The following RPH3AL variants were observed in gnomAD, a reference collection of about 807,000 sequenced individuals.
The protein encoded by RPH3AL is rabphilin 3A like (without C2 domains).
RPH3AL carries 38 observed loss-of-function variants against 43.1 expected under a neutral mutation model. The observed-to-expected ratio is 0.88, with a 90% CI of 0.68 to 1.15. RPH3AL has a LOEUF of 1.15. Ranked by LOEUF, RPH3AL falls within the 50% of genes most tolerant of loss-of-function variation. RPH3AL has a pLI of 0.00. For synonymous variants in RPH3AL, 189 were observed against 176.3 expected (o/e 1.07, Z -0.57); for missense variants, 462 against 423.2 (o/e 1.09, Z -0.81).
At chr17:306,204 C>G (rs749442989) in intron 5 of RPH3AL, among the ~76,000 whole-genome samples, 4 of 151,912 alleles carry the variant, frequency 2.6e-5, no homozygotes, top group Non-Finnish European at 4.4e-5. Context: ...CCAGCCTGGA[C>G]TACCTGGAAC....
intron 6 of RPH3AL, among the ~76,000 whole-genome samples, chr17:272,274 T>C (rs1010107620): frequency 7.2e-5 from 11 of 152,274 alleles, no homozygotes; most frequent in African/African-American, 2.6e-4. Flanking sequence ...CAAAGGACTA[T>C]AAATCATGCT....
intron 1 of RPH3AL, among the ~76,000 whole-genome samples, chr17:343,378 T>G (rs2045166824): frequency 6.6e-6 from 1 of 152,224 alleles, no homozygotes; most frequent in African/African-American, 2.4e-5. Context: ...CAAGGGATGC[T>G]GGGACTGACA....
At chr17:237,731 C>T (rs1177302860) in intron 7 of RPH3AL, among the ~76,000 whole-genome samples, 2 of 152,222 alleles carry the variant, frequency 1.3e-5, no homozygotes, top group Non-Finnish European at 2.9e-5. Context: ...GATCCCAGGC[C>T]GAGGTCCACA....
At chr17:230,505 G>A (rs939575428) in intron 7 of RPH3AL, among the ~76,000 whole-genome samples, 2 of 152,174 alleles carry the variant, frequency 1.3e-5, no homozygotes, top group African/African-American at 4.8e-5. Context: ...AGGCTGGGGT[G>A]TGCCAGGCAT....
Position 304,071 on chromosome 17 carries a change from G to C in RPH3AL, c.351+15349C>G, listed in dbSNP as rs376051494. Among the ~76,000 whole-genome samples the C allele has an allele frequency of 3.9e-3, 10 of 2,588 alleles. 1 individual carries two copies. Among genetic ancestry groups the C allele is most frequent in the East Asian group, 0.031 (1 of 32 alleles). 1.7% of individuals were successfully genotyped at this position (2,588 alleles called of 152,430 possible). A position where few individuals can be genotyped will look rare whatever the true frequency, so the allele number is the denominator to read the frequency against. On this transcript the variant is annotated intron_variant, in intron 5 of 9. Transcript: ENST00000331302. Reference sequence around the variant, plus strand: ...CTGAGGTTTTAATAATTATTGAGCAGTGACCGTGTTTCAGGAAAGAGATGG... The same window carrying C: ...CTGAGGTTTTAATAATTATTGAGCACTGACCGTGTTTCAGGAAAGAGATGG...
intron 6 of RPH3AL, among the ~76,000 whole-genome samples, chr17:259,786 G>C (rs562193595): frequency 6.6e-6 from 1 of 152,370 alleles, no homozygotes; most frequent in South Asian, 2.1e-4. Context: ...TCCGCTTCCA[G>C]GTTTGCATTA....
intron 1 of RPH3AL, among the ~76,000 whole-genome samples, chr17:334,866 C>T (rs2044906343): frequency 9.5e-6 from 1 of 105,520 alleles, no homozygotes; most frequent in Non-Finnish European, 2.1e-5. Flanking sequence ...GCCAGCCCAT[C>T]CACTGCGGAG....
At chr17:292,312 A>G (rs2043066596) in intron 5 of RPH3AL, among the ~76,000 whole-genome samples, 3 of 152,184 alleles carry the variant, frequency 2.0e-5, no homozygotes, top group Admixed American at 2.0e-4. Flanking sequence ...GTTGCTATAG[A>G]CGCTGTCTGG....
Position 289,460 on chromosome 17 carries a change from G to A in RPH3AL, c.352-7606C>T, listed in dbSNP as rs551874692. On this transcript the variant is annotated intron_variant, in intron 5 of 9. Coordinates refer to ENST00000331302, the MANE Select transcript of RPH3AL (RefSeq NM_006987.4). The surrounding 1 kb of genome is among the most constrained non-coding windows in gnomAD (Gnocchi z 5.2). Reference sequence around the variant, plus strand: ...CCTGATCTCTGCTGCCACCGCCCACGCCCACACCAAGGCCGCCCAGCAGAT... The same window carrying A: ...CCTGATCTCTGCTGCCACCGCCCACACCCACACCAAGGCCGCCCAGCAGAT... 7.5e-4 allele frequency among the ~76,000 whole-genome samples: 114 copies of A among 152,026 alleles called. No individual in the cohort carries two copies. Among genetic ancestry groups the A allele is most frequent in the Non-Finnish European group, 1.4e-3 (95 of 67,984 alleles).
At chr17:314,348 T>A (rs2043768431) in intron 5 of RPH3AL, among the ~76,000 whole-genome samples, 2 of 152,164 alleles carry the variant, frequency 1.3e-5, no homozygotes, top group South Asian at 2.1e-4. Flanking sequence ...CAGCTCCCGT[T>A]CTCCCAGGCA....
chr17:350,838 C>T (rs1747078350), intron 1 of RPH3AL, among the ~76,000 whole-genome samples: 1 of 152,182 alleles, frequency 6.6e-6, no homozygotes, highest in African/African-American at 2.4e-5. Context: ...CTGGGCCAAA[C>T]CATAGGGCAG....
intron 5 of RPH3AL, among the ~76,000 whole-genome samples, chr17:310,309 G>C (rs918880092): frequency 2.0e-5 from 3 of 152,186 alleles, no homozygotes; most frequent in African/African-American, 7.2e-5. Context: ...ACGCAGCTCC[G>C]AGGACCGGCA....
At chr17:350,925 C>T (rs1356278696) in intron 1 of RPH3AL, among the ~76,000 whole-genome samples, 1 of 152,194 alleles carries the variant, frequency 6.6e-6, no homozygotes, top group Non-Finnish European at 1.5e-5. Flanking sequence ...ACCCACTTCC[C>T]CGACAACATT....
intron 6 of RPH3AL, among the ~76,000 whole-genome samples, chr17:272,829 C>CT (rs1244215980): frequency 6.6e-6 from 1 of 151,410 alleles, no homozygotes; most frequent in Non-Finnish European, 1.5e-5. Flanking sequence ...AGCCACTTTT[C>CT]TTTTTTTAGT....
rs764855369 is a variant in RPH3AL at position 280,558 on chromosome 17, G to A, written c.438+1210C>T. On this transcript the variant is annotated intron_variant, in intron 6 of 9. Coordinates refer to ENST00000331302, the MANE Select transcript of RPH3AL (RefSeq NM_006987.4). ...GCAAAACTATTCAGCTAGAAGAGCC[G>A]GGTGGGAAACAGAGAGAAACGGACT... Among the ~76,000 whole-genome samples the A allele has an allele frequency of 1.1e-4, 16 of 152,148 alleles. No individual in the cohort carries two copies. The East Asian group carries it at 1.5e-3, about 15-fold the overall frequency.
chr17:315,496 C>T (rs868065121), intron 5 of RPH3AL, among the ~76,000 whole-genome samples: 356 of 147,658 alleles, frequency 2.4e-3, no homozygotes, highest in African/African-American at 8.3e-3. Context: ...ACCTGTAGTC[C>T]CTGTGACTCC....
chr17:314,376 C>A (rs1397352647), intron 5 of RPH3AL, among the ~76,000 whole-genome samples: 1 of 146,508 alleles, frequency 6.8e-6, no homozygotes, highest in Non-Finnish European at 1.5e-5. Flanking sequence ...CTGCCCGAGT[C>A]CTGCAAGTTG....
At chr17:230,857 G>A (rs986395179) in intron 7 of RPH3AL, among the ~76,000 whole-genome samples, 1 of 152,060 alleles carries the variant, frequency 6.6e-6, no homozygotes, top group South Asian at 2.1e-4. Flanking sequence ...TGTTGTTGTT[G>A]TTGTTTTTCA....
rs557618670 is a variant in RPH3AL, at chr17:215,174, T to C, written c.876+480A>G. Among the ~76,000 whole-genome samples, 9 of 152,240 alleles carry C rather than the reference T, an allele frequency of 5.9e-5. No individual in the cohort carries two copies. Among genetic ancestry groups the C allele is most frequent in the African/African-American group, 1.4e-4 (6 of 41,552 alleles). On this transcript the variant is annotated intron_variant, in intron 9 of 9. Coordinates refer to ENST00000331302, the MANE Select transcript of RPH3AL (RefSeq NM_006987.4). The surrounding 1 kb of genome is among the most constrained non-coding windows in gnomAD (Gnocchi z 4.1). ...GGGCTGATCCTGCACCTGCGCAGTTTTCTCTGGCTTCAGTTTAAGGAGAAC... is the reference window on the plus strand; with the variant it reads ...GGGCTGATCCTGCACCTGCGCAGTTCTCTCTGGCTTCAGTTTAAGGAGAAC...
Sources: gnomAD v4.1 joint callset for allele counts (sites outside exome capture counted in the v4.1 genomes callset) on GRCh38, gnomAD v4.1.1 for gene constraint, Gnocchi (gnomAD v3.1) non-coding constraint, MANE v1.5 for transcripts, NCBI Gene and HGNC (gene_info 2026-07-23, HGNC 2026-07-21) for gene names.